TRHDE: variants seen among roughly 807,000 people sequenced by gnomAD.
TRHDE encodes the protein thyrotropin releasing hormone degrading enzyme.
Under a neutral mutation model 125.7 loss-of-function variants are expected in TRHDE, and 72 were observed. The observed-to-expected ratio is 0.57, with a 90% CI of 0.47 to 0.70. TRHDE has a LOEUF of 0.70. TRHDE is among the 30% of genes least tolerant of loss of function. The pLI is 0.00. For missense variants in TRHDE, 1,110 were observed against 1,327.1 expected, an observed-to-expected ratio of 0.84 and a Z score of 2.54; for synonymous variants, 509 against 509.1, an observed-to-expected ratio of 1.00 and a Z score of 0.00.
At chr12:72,572,265 A>C (rs1379732191) in intron 10 of TRHDE, among the ~76,000 whole-genome samples, 4 of 152,118 alleles carry the variant, frequency 2.6e-5, no homozygotes, top group African/African-American at 9.7e-5. Flanking sequence ...GAGATACCTA[A>C]TCTCTTTTCC....
At chr12:72,610,458 G>A (rs1220176081) in intron 12 of TRHDE, among the ~76,000 whole-genome samples, 3 of 152,150 alleles carry the variant, frequency 2.0e-5, no homozygotes, top group Admixed American at 1.3e-4. Flanking sequence ...TTTGCTCTCC[G>A]TAGCAGCCAG....
At chr12:72,657,157 C>A (rs1004089298) in intron 18 of TRHDE, 149 bp downstream of exon 18, 11 of 578,706 alleles carry the variant, frequency 1.9e-5, no homozygotes, top group Non-Finnish European at 3.4e-5. Flanking sequence ...TTAAAGACTA[C>A]TCAATTCATA....
chr12:72,416,797 A>G (rs1873749580), intron 3 of TRHDE, among the ~76,000 whole-genome samples: 1 of 152,102 alleles, frequency 6.6e-6, no homozygotes, highest in Admixed American at 6.6e-5. Flanking sequence ...TATAATTTGA[A>G]GTTAGGTAAT....
At chr12:72,233,853 AG>A (rs1403623526) in intron 2 of TRHDE, among the ~76,000 whole-genome samples, 3 of 152,186 alleles carry the variant, frequency 2.0e-5, no homozygotes, top group Non-Finnish European at 4.4e-5. Context: ...TCCACTTAGA[AG>A]ATTTTTTTTC....
intron 15 of TRHDE, among the ~76,000 whole-genome samples, chr12:72,648,311 T>A (rs1443849016): frequency 1.3e-5 from 2 of 152,092 alleles, no homozygotes. Context: ...GGTGAAAAAT[T>A]GAAAGCTTTT....
intron 6 of TRHDE, among the ~76,000 whole-genome samples, chr12:72,539,000 T>C (rs2135984089): frequency 6.6e-6 from 1 of 152,058 alleles, no homozygotes; most frequent in South Asian, 2.1e-4. Flanking sequence ...TAAACTTCCC[T>C]ACTTGTGATT....
intron 2 of TRHDE, among the ~76,000 whole-genome samples, chr12:72,192,261 C>T (rs1437848346): frequency 6.6e-6 from 1 of 152,042 alleles, no homozygotes; most frequent in East Asian, 1.9e-4. Context: ...TGAATTTCTG[C>T]ATTTCTATCA....
chr12:72,130,601 G>A (rs988273400), intron 2 of TRHDE, among the ~76,000 whole-genome samples: 4 of 151,996 alleles, frequency 2.6e-5, no homozygotes, highest in Non-Finnish European at 5.9e-5. Flanking sequence ...AAGCACTAGG[G>A]GCAACATTAA....
At position 72,273,398 on chromosome 12, in the gene TRHDE, G is replaced by GT. The variant is rs1184163736; in HGVS notation, c.761dup (p.Leu255ProfsTer14). ...GCGTTCGGGGCTGTCCCTGTAGCCG[G>GT]TTTTTTCCTCTACCCGCAAACCCAG... is the stretch of plus-strand genomic sequence containing the variant. On this transcript the variant is annotated frameshift_variant, in exon 1 of 19. Transcript: ENST00000261180. LOFTEE classifies it high-confidence loss of function. The surrounding 1 kb of genome is among the most constrained non-coding windows in gnomAD (Gnocchi z 5.3). 10 of 1,614,048 alleles carry GT rather than the reference G, an allele frequency of 6.2e-6. No homozygotes were observed. The highest frequency in any genetic ancestry group is 7.6e-6 in the Non-Finnish European group (9 of 1,180,030).
At chr12:72,305,734 G>A (rs1374008688) in intron 2 of TRHDE, among the ~76,000 whole-genome samples, 1 of 152,196 alleles carries the variant, frequency 6.6e-6, no homozygotes, top group Non-Finnish European at 1.5e-5. Context: ...TCAGTAGTGA[G>A]ATTTTATGGT....
chr12:72,200,084 C>A (rs1316511447), intron 2 of TRHDE, among the ~76,000 whole-genome samples: 2 of 152,158 alleles, frequency 1.3e-5, no homozygotes, highest in Admixed American at 1.3e-4. Context: ...AGATATTCCT[C>A]AAGTGAATAA....
At chr12:72,112,267 T>C (rs533035774) in intron 2 of TRHDE, among the ~76,000 whole-genome samples, 8 of 152,308 alleles carry the variant, frequency 5.3e-5, no homozygotes, top group Non-Finnish European at 8.8e-5. Context: ...TGCCACTTCA[T>C]TGAATTAGCG....
chr12:72,485,954 G>T (rs1348124185), intron 5 of TRHDE, among the ~76,000 whole-genome samples: 1 of 152,134 alleles, frequency 6.6e-6, no homozygotes, highest in Non-Finnish European at 1.5e-5. Context: ...TGCACCTGGT[G>T]TCACAGAACC....
At chr12:72,594,997 G>GTAAAC (rs1871866435) in intron 12 of TRHDE, among the ~76,000 whole-genome samples, 1 of 150,630 alleles carries the variant, frequency 6.6e-6, no homozygotes, top group African/African-American at 2.4e-5. Flanking sequence ...ATCATTCTCA[G>GTAAAC]TAAACTATTG....
intron 2 of TRHDE, among the ~76,000 whole-genome samples, chr12:72,168,748 T>A (rs1876808236): frequency 6.6e-6 from 1 of 152,172 alleles, no homozygotes; most frequent in African/African-American, 2.4e-5. Context: ...CTTCCAATCA[T>A]GTCATGCTAT....
chr12:72,127,242 G>C (rs139361942), intron 2 of TRHDE, among the ~76,000 whole-genome samples: 2,255 of 152,320 alleles, frequency 0.015, 29 homozygotes, highest in Non-Finnish European at 0.026. Flanking sequence ...CACTGTTGGT[G>C]GGAATGTAAA....
intron 6 of TRHDE, among the ~76,000 whole-genome samples, chr12:72,514,775 T>C (rs1286653284): frequency 7.2e-6 from 1 of 138,598 alleles, no homozygotes; most frequent in African/African-American, 2.7e-5. Flanking sequence ...CTCCTAATGC[T>C]ATCCCTCCCC....
At chr12:72,195,454 G>A (rs987266929) in intron 2 of TRHDE, among the ~76,000 whole-genome samples, 1 of 152,110 alleles carries the variant, frequency 6.6e-6, no homozygotes. Context: ...TGACTGATGA[G>A]AGGTGGTATC....
At chr12:72,543,898 C>G (rs1265822909) in intron 7 of TRHDE, among the ~76,000 whole-genome samples, 1 of 150,172 alleles carries the variant, frequency 6.7e-6, no homozygotes, top group Non-Finnish European at 1.5e-5. Flanking sequence ...TTAATACATT[C>G]TTTTCCACTG....
Sources: gnomAD v4.1 joint callset for allele counts (sites outside exome capture counted in the v4.1 genomes callset) on GRCh38, gnomAD v4.1.1 for gene constraint, Gnocchi (gnomAD v3.1) non-coding constraint, MANE v1.5 for transcripts, NCBI Gene and HGNC (gene_info 2026-07-23, HGNC 2026-07-21) for gene names.